The following CDH19 variants were observed in gnomAD, a reference collection of about 807,000 sequenced individuals.
CDH19 encodes cadherin 19, also known as cadherin-19.
A neutral mutation model predicts 64.2 loss-of-function variants in CDH19; 67 were observed. The observed-to-expected ratio is 1.04, with a 90% CI of 0.86 to 1.28. CDH19 has a LOEUF of 1.28. Ranked by LOEUF, CDH19 falls within the 50% of genes most tolerant of loss-of-function variation. The pLI, the probability that CDH19 is intolerant of heterozygous loss-of-function variation, is 0.00. For synonymous variants in CDH19, 346 were observed against 319.3 expected (o/e 1.08, Z -0.89); for missense variants, 1,030 against 929.0 (o/e 1.11, Z -1.41).
intron 1 of CDH19, among the ~76,000 whole-genome samples, chr18:66,594,576 C>T (rs997333938): frequency 3.0e-4 from 45 of 151,834 alleles, no homozygotes; most frequent in Middle Eastern, 3.2e-3. Context: ...TCTTGGAACA[C>T]AGTGCAATAA....
chr18:66,546,652 G>A (rs12964606), intron 5 of CDH19, among the ~76,000 whole-genome samples: 3,931 of 152,190 alleles, frequency 0.026, 88 homozygotes, highest in Non-Finnish European at 0.043. Context: ...TGATAAAACA[G>A]ACAGTAAATA....
At chr18:66,547,722 C>T (rs1399082942) in intron 5 of CDH19, among the ~76,000 whole-genome samples, 4 of 119,940 alleles carry the variant, frequency 3.3e-5, no homozygotes, top group Admixed American at 1.0e-4. Context: ...GGCTGGAGTG[C>T]AGTGGCGGGA....
At chr18:66,601,379 T>A (rs549313410) in intron 1 of CDH19, among the ~76,000 whole-genome samples, 1 of 152,036 alleles carries the variant, frequency 6.6e-6, no homozygotes, top group East Asian at 1.9e-4. Flanking sequence ...AAGACATGAC[T>A]GATGTGCCAA....
chr18:66,556,246 C>T (rs1057078544), intron 3 of CDH19, among the ~76,000 whole-genome samples: 6 of 151,578 alleles, frequency 4.0e-5, no homozygotes, highest in African/African-American at 1.5e-4. Context: ...TCTATCATCT[C>T]ACAAAGTTAC....
intron 11 of CDH19, among the ~76,000 whole-genome samples, chr18:66,508,132 A>C (rs1985291872): frequency 6.6e-6 from 1 of 151,976 alleles, no homozygotes; most frequent in African/African-American, 2.4e-5. Context: ...ACTAAATGAA[A>C]GAAGCCAGCC....
Position 66,551,258 on chromosome 18 carries a change from C to T in CDH19, c.611G>A (p.Gly204Glu). 5 of 1,344,836 alleles carry T rather than the reference C, an allele frequency of 3.7e-6. No individual in the cohort carries two copies. Among genetic ancestry groups the T allele is most frequent in the East Asian group, 2.3e-5 (1 of 43,356 alleles). 83.3% of individuals were successfully genotyped at this position (1,344,836 alleles called of 1,614,324 possible). Residue 204 changes from glycine (G) to glutamate (E), a missense_variant and splice_region_variant, in exon 5 of 12, where the codon GGA becomes GAA. Transcript: ENST00000262150. ...QPYFSVEPTT[G>E]VIRISSKMDR... ...CATTTTAGAAGATATTCTTATGACT[C>T]CTTTAAAAATATAATAAAATTCCAA...
intron 1 of CDH19, among the ~76,000 whole-genome samples, chr18:66,586,976 C>A (rs767265195): frequency 1.1e-4 from 16 of 151,802 alleles, no homozygotes; most frequent in Non-Finnish European, 1.5e-4. Flanking sequence ...TGATTTTAGT[C>A]TTAAAAGAAA....
At chr18:66,603,191 C>A (rs1269290089) in intron 1 of CDH19, among the ~76,000 whole-genome samples, 2 of 150,176 alleles carry the variant, frequency 1.3e-5, no homozygotes, top group African/African-American at 4.8e-5. Flanking sequence ...TTTATTAAAT[C>A]CCTTTGGTAA....
At chr18:66,556,807 T>G (rs150089686) in intron 3 of CDH19, among the ~76,000 whole-genome samples, 1 of 151,964 alleles carries the variant, frequency 6.6e-6, no homozygotes, top group Admixed American at 6.6e-5. Context: ...AATGGTTATA[T>G]GAATGGGTTC....
chr18:66,527,691 T>C (rs964999054), intron 9 of CDH19, among the ~76,000 whole-genome samples: 4 of 151,618 alleles, frequency 2.6e-5, no homozygotes, highest in Admixed American at 6.6e-5. Context: ...GACAGGGAGG[T>C]TGCAGTGAGC....
intron 1 of CDH19, among the ~76,000 whole-genome samples, chr18:66,582,893 C>G (rs549456447): frequency 6.6e-6 from 1 of 152,046 alleles, no homozygotes; most frequent in African/African-American, 2.4e-5. Context: ...GCACTGACAA[C>G]ATTAAGACTG....
At chr18:66,588,595 T>A (rs1988643665) in intron 1 of CDH19, among the ~76,000 whole-genome samples, 1 of 144,980 alleles carries the variant, frequency 6.9e-6, no homozygotes, top group Non-Finnish European at 1.5e-5. Flanking sequence ...TCTTACTCAT[T>A]TTTACTAATC....
intron 3 of CDH19, among the ~76,000 whole-genome samples, chr18:66,559,008 T>C (rs1387774114): frequency 6.6e-6 from 1 of 151,962 alleles, no homozygotes; most frequent in Non-Finnish European, 1.5e-5. Context: ...TCAGAATCAC[T>C]CCGAAGAGGT....
At chr18:66,546,411 G>A (rs1987119869) in intron 5 of CDH19, among the ~76,000 whole-genome samples, 1 of 152,118 alleles carries the variant, frequency 6.6e-6, no homozygotes, top group African/African-American at 2.4e-5. Flanking sequence ...CCATGAACGT[G>A]AAAGCAGATG....
intron 1 of CDH19, among the ~76,000 whole-genome samples, chr18:66,583,703 G>C (rs1174280326): frequency 6.6e-6 from 1 of 152,000 alleles, no homozygotes; most frequent in African/African-American, 2.4e-5. Context: ...CTAGAAGTAA[G>C]ACTGCACACC....
chr18:66,528,684 A>G (rs1986318056), intron 9 of CDH19, among the ~76,000 whole-genome samples: 1 of 152,102 alleles, frequency 6.6e-6, no homozygotes, highest in African/African-American at 2.4e-5. Context: ...ACTATGTTGC[A>G]GTTTAATAAT....
At chr18:66,512,385 T>C (rs1212711804) in intron 9 of CDH19, among the ~76,000 whole-genome samples, 1 of 151,562 alleles carries the variant, frequency 6.6e-6, no homozygotes, top group Admixed American at 6.6e-5. Flanking sequence ...AGATATGCTG[T>C]CAAGATCACA....
chr18:66,545,033 C>T, intron 5 of CDH19, 130 bp from the exon 6 acceptor site: 1 of 627,380 alleles, frequency 1.6e-6, no homozygotes, highest in Non-Finnish European at 2.6e-6. Flanking sequence ...GGCTGGAGTG[C>T]AGTGGTGTGA....
chr18:66,577,133 T>G (rs1211471599), intron 1 of CDH19, among the ~76,000 whole-genome samples: 1 of 151,582 alleles, frequency 6.6e-6, no homozygotes, highest in Non-Finnish European at 1.5e-5. Context: ...AAATGTCAAT[T>G]CCCTCCAAAG....
Sources: gnomAD v4.1 joint callset for allele counts (sites outside exome capture counted in the v4.1 genomes callset) on GRCh38, gnomAD v4.1.1 for gene constraint, MANE v1.5 for transcripts, NCBI Gene and HGNC (gene_info 2026-07-23, HGNC 2026-07-21) for gene names.